The following AP3B1 variants were observed in gnomAD, a reference collection of about 807,000 sequenced individuals.
AP3B1 encodes the protein AP-3 complex subunit beta-1.
Under a neutral mutation model 132.5 loss-of-function variants are expected in AP3B1, and 61 were observed. The ratio of observed to expected loss-of-function variants is 0.46; its 90% CI spans 0.37 to 0.57. The LOEUF (loss-of-function observed/expected upper bound fraction) is 0.57. AP3B1 is among the 20% of genes least tolerant of loss of function. The pLI is 0.00. For missense variants in AP3B1, 1,120 were observed against 1,289.4 expected (o/e 0.87, Z 2.01); for synonymous variants, 388 against 438.3 (o/e 0.89, Z 1.43).
At chr5:78,097,879 G>A (rs541188105) in intron 21 of AP3B1, among the ~76,000 whole-genome samples, 208 of 152,304 alleles carry the variant, frequency 1.4e-3, no homozygotes, top group African/African-American at 4.9e-3. Flanking sequence ...GGATGGTTGC[G>A]GTGTCTGTGT....
intron 11 of AP3B1, among the ~76,000 whole-genome samples, chr5:78,168,270 G>T (rs1256655216): frequency 6.7e-6 from 1 of 149,506 alleles, no homozygotes; most frequent in East Asian, 2.0e-4. Context: ...GTCACCGAGG[G>T]TGGAGTGCAG....
intron 6 of AP3B1, chr5:78,222,620 C>T (rs534601759): frequency 6.6e-6 from 1 of 151,806 alleles, no homozygotes. Flanking sequence ...AAAGTAAAGA[C>T]TCTTTGTCAT....
rs117278748 is a variant in AP3B1, at chr5:78,094,124, A to G, written c.2471-4625T>C. On this transcript the variant is annotated intron_variant, in intron 21 of 26. Transcript: ENST00000255194. ...CATAGGTTTACATTTCCTATAAAAGAACACTAGAATATGATCACTGATTTG... is the reference window on the plus strand; with the variant it reads ...CATAGGTTTACATTTCCTATAAAAGGACACTAGAATATGATCACTGATTTG... Among the ~76,000 whole-genome samples the G allele has an allele frequency of 7.9e-5, 12 of 152,370 alleles. No individual in the cohort carries two copies. The East Asian group carries it at 2.3e-3, about 29-fold the overall frequency.
intron 21 of AP3B1, among the ~76,000 whole-genome samples, chr5:78,093,980 C>T (rs144607193): frequency 1.3e-5 from 2 of 152,328 alleles, no homozygotes; most frequent in East Asian, 3.9e-4. Context: ...ACTGCCTTGA[C>T]CAAAATTCAC....
chr5:78,275,754 G>A (rs547993322), intron 1 of AP3B1, among the ~76,000 whole-genome samples: 2 of 152,160 alleles, frequency 1.3e-5, no homozygotes, highest in East Asian at 1.9e-4. Context: ...TAACAGGCAT[G>A]AGCCACTGCC....
At chr5:78,087,797 A>G in intron 22 of AP3B1, 2 of 616,378 alleles carry the variant, frequency 3.2e-6, no homozygotes, top group Middle Eastern at 8.2e-4. Context: ...TTATTAATAA[A>G]GTAGAAGAGT....
chr5:78,105,259 G>A (rs1164589138), intron 20 of AP3B1, among the ~76,000 whole-genome samples: 7 of 145,218 alleles, frequency 4.8e-5, no homozygotes, highest in Non-Finnish European at 7.8e-5. Context: ...AATAAGGTGC[G>A]AATAGTGGAC....
intron 6 of AP3B1, among the ~76,000 whole-genome samples, chr5:78,220,235 T>C (rs927772801): frequency 2.0e-5 from 3 of 151,508 alleles, no homozygotes; most frequent in Non-Finnish European, 4.4e-5. Flanking sequence ...CCAGAAAACA[T>C]TCACAAAATA....
intron 4 of AP3B1, 31 bp downstream of exon 4, chr5:78,228,113 T>C (rs1362447746): frequency 9.7e-6 from 14 of 1,437,620 alleles, no homozygotes; most frequent in East Asian, 9.2e-5. Context: ...AGAAACCTTG[T>C]AGCTATTTGC....
chr5:78,236,014 C>G (rs1222869510), intron 3 of AP3B1, among the ~76,000 whole-genome samples: 2 of 151,854 alleles, frequency 1.3e-5, no homozygotes, highest in Admixed American at 1.3e-4. Context: ...TCAGTTTTCC[C>G]AAAACATTAA....
At position 78,290,015 on chromosome 5, in the gene AP3B1, G is replaced by A. The variant is rs1301216032; in HGVS notation, c.128+4437C>T. ...TCTAAAGTGTCACTACCTCAGTGAA[G>A]TCTTCACCAACTTTCCCAAATAGCG... On this transcript the variant is annotated intron_variant, in intron 1 of 26. Coordinates refer to ENST00000255194, the MANE Select transcript of AP3B1 (RefSeq NM_003664.5). Among the ~76,000 whole-genome samples the A allele has an allele frequency of 2.6e-5, 4 of 152,272 alleles. No homozygotes were observed. The East Asian group carries it at 7.7e-4, about 29-fold the overall frequency.
intron 22 of AP3B1, among the ~76,000 whole-genome samples, chr5:78,069,085 T>C (rs188207103): frequency 1.4e-4 from 21 of 152,334 alleles, no homozygotes; most frequent in Middle Eastern, 6.8e-3. Flanking sequence ...CTCAATAAAC[T>C]AGGTATTGAT....
intron 21 of AP3B1, among the ~76,000 whole-genome samples, chr5:78,092,754 C>A (rs772772445): frequency 6.6e-6 from 1 of 151,924 alleles, no homozygotes; most frequent in Non-Finnish European, 1.5e-5. Context: ...CTCAAGCAAT[C>A]CTCCCGCCTC....
intron 22 of AP3B1, among the ~76,000 whole-genome samples, chr5:78,065,753 C>T (rs940771500): frequency 6.6e-6 from 1 of 152,130 alleles, no homozygotes; most frequent in Non-Finnish European, 1.5e-5. Flanking sequence ...CTGAGGAATC[C>T]GGGCAGTCTG....
chr5:78,099,341 C>G (rs1751033854), intron 21 of AP3B1, among the ~76,000 whole-genome samples: 4 of 152,122 alleles, frequency 2.6e-5, no homozygotes, highest in Admixed American at 2.6e-4. Flanking sequence ...GTCAATTGTT[C>G]TCAGCAGGGG....
chr5:78,202,057 T>C (rs1351655526), intron 7 of AP3B1, among the ~76,000 whole-genome samples: 3 of 152,098 alleles, frequency 2.0e-5, no homozygotes, highest in Admixed American at 6.6e-5. Context: ...AATTGAATCA[T>C]GGGGGTAAGT....
At chr5:78,012,289 G>A (rs1746654258) in intron 26 of AP3B1, among the ~76,000 whole-genome samples, 1 of 151,616 alleles carries the variant, frequency 6.6e-6, no homozygotes, top group Non-Finnish European at 1.5e-5. Flanking sequence ...TTATTATAAT[G>A]TAAACACTAA....
At chr5:78,214,601 C>T (rs1382899949) in intron 7 of AP3B1, among the ~76,000 whole-genome samples, 2 of 151,812 alleles carry the variant, frequency 1.3e-5, no homozygotes, top group African/African-American at 4.8e-5. Flanking sequence ...TAACTTTATA[C>T]AATAGAAAAA....
chr5:78,111,393 A>G (rs897976202), intron 19 of AP3B1, among the ~76,000 whole-genome samples: 1 of 152,230 alleles, frequency 6.6e-6, no homozygotes, highest in African/African-American at 2.4e-5. Flanking sequence ...AGTAAGACAC[A>G]GAGGATCTCT....
Sources: gnomAD v4.1 joint callset for allele counts (sites outside exome capture counted in the v4.1 genomes callset) on GRCh38, gnomAD v4.1.1 for gene constraint, MANE v1.5 for transcripts, NCBI Gene and HGNC (gene_info 2026-07-23, HGNC 2026-07-21) for gene names.